Variants in FHOD3 observed in about 807,000 individuals in gnomAD.
FHOD3 encodes formin homology 2 domain containing 3, also known as FH1/FH2 domain-containing protein 3.
A neutral mutation model predicts 173.0 loss-of-function variants in FHOD3; 90 were observed. The ratio of observed to expected loss-of-function variants is 0.52; its 90% CI spans 0.44 to 0.62. The LOEUF is 0.62. Among genes scored for constraint, FHOD3 ranks in the 20% least tolerant of loss-of-function variants. The pLI, the probability that FHOD3 is intolerant of heterozygous loss-of-function variation, is 0.00. For synonymous variants in FHOD3, 828 were observed against 823.0 expected, an observed-to-expected ratio of 1.01 and a Z score of -0.10; for missense variants, 1,945 against 2,034.7, an observed-to-expected ratio of 0.96 and a Z score of 0.85.
chr18:36,718,468 C>T lies in FHOD3; in HGVS notation c.3170C>T (p.Pro1057Leu), dbSNP rs1462970284. 17 of 1,612,572 alleles carry T rather than the reference C, an allele frequency of 1.1e-5. No individual in the cohort carries two copies. Among genetic ancestry groups the T allele is most frequent in the Non-Finnish European group, 1.4e-5 (16 of 1,179,728 alleles). The change falls in exon 19 of 29, where the codon CCT becomes CTT. Residue 1057 changes from proline to leucine, a missense_variant. This residue lies in a region of FHOD3 where 1,099 missense variants were observed against 1,051.2 expected (regional missense o/e 1.05). Coordinates refer to ENST00000590592, the MANE Select transcript of FHOD3 (RefSeq NM_001281740.3). ...GTCCCTGGTAATTTATTGGTTCCTC[C>T]TCCTCCAGTGTTCAACGCTCCTCAG... is the stretch of plus-strand genomic sequence containing the variant. ...PPVPGNLLVP[P>L]PPVFNAPQGL...
chr18:36,427,629 C>A (rs1005569007), intron 3 of FHOD3, among the ~76,000 whole-genome samples: 2 of 152,224 alleles, frequency 1.3e-5, no homozygotes, highest in Non-Finnish European at 2.9e-5. Context: ...TAATGGGTTG[C>A]AACCAGTAGC....
At position 36,370,917 on chromosome 18, in the gene FHOD3, CA is replaced by C. The variant is rs745859470; in HGVS notation, c.273-1762del. ...AAGCTGTCTATAATTCAATTTGGTG[CA>C]CTTAAATCAAAACTTTCTTCTGGTC... is the stretch of plus-strand genomic sequence containing the variant. On this transcript the variant is annotated intron_variant, in intron 2 of 28. Coordinates refer to ENST00000590592, the MANE Select transcript of FHOD3 (RefSeq NM_001281740.3). Among the ~76,000 whole-genome samples, 179 of 152,294 alleles carry C rather than the reference CA, an allele frequency of 1.2e-3. 1 individual carries two copies. Among genetic ancestry groups the C allele is most frequent in the Non-Finnish European group, 2.2e-3 (152 of 68,024 alleles).
intron 5 of FHOD3, among the ~76,000 whole-genome samples, chr18:36,558,517 T>A (rs573069014): frequency 6.6e-6 from 1 of 152,318 alleles, no homozygotes; most frequent in East Asian, 1.9e-4. Flanking sequence ...TGTACAATGA[T>A]TTACAAAATA....
At position 36,780,125 on chromosome 18, in the gene FHOD3, G is replaced by A; in HGVS notation, c.*595G>A. Reference sequence around the variant, plus strand: ...TTCCACAGGCTCGCCTCTTCAGAATGGCAAAACTCTTCTCAGTGTCCTCAG... The same window carrying A: ...TTCCACAGGCTCGCCTCTTCAGAATAGCAAAACTCTTCTCAGTGTCCTCAG... On this transcript the variant is annotated 3_prime_UTR_variant, in exon 29 of 29. Coordinates refer to ENST00000590592, the MANE Select transcript of FHOD3 (RefSeq NM_001281740.3). The A allele has an allele frequency of 8.1e-7, 1 of 1,232,038 alleles. No individual in the cohort carries two copies. Among genetic ancestry groups the A allele is most frequent in the Non-Finnish European group, 1.0e-6 (1 of 988,006 alleles). The allele number at this position is 1,232,038 out of a possible 1,614,324, so 76.3% of individuals were successfully genotyped here.
chr18:36,586,094 C>T (rs1345095238), intron 6 of FHOD3, among the ~76,000 whole-genome samples: 1 of 152,208 alleles, frequency 6.6e-6, no homozygotes, highest in Non-Finnish European at 1.5e-5. Context: ...TGTTCATTTT[C>T]ATGTTTCCAG....
At chr18:36,714,675 A>G (rs1045149617) in intron 18 of FHOD3, among the ~76,000 whole-genome samples, 1 of 152,216 alleles carries the variant, frequency 6.6e-6, no homozygotes, top group Non-Finnish European at 1.5e-5. Context: ...GCAGCCTCCT[A>G]GTGGTCTCCC....
intron 14 of FHOD3, among the ~76,000 whole-genome samples, chr18:36,663,811 G>C (rs2036972074): frequency 6.6e-6 from 1 of 152,206 alleles, no homozygotes; most frequent in Admixed American, 6.5e-5. Context: ...CTACCACCCT[G>C]TGTGTAACTT....
intron 1 of FHOD3, among the ~76,000 whole-genome samples, chr18:36,300,971 G>C (rs1181838651): frequency 6.6e-6 from 1 of 152,092 alleles, no homozygotes; most frequent in Non-Finnish European, 1.5e-5. Context: ...AAACTCCTGA[G>C]CTCAAAGTGA....
intron 1 of FHOD3, among the ~76,000 whole-genome samples, chr18:36,350,489 T>C (rs1350895589): frequency 6.6e-6 from 1 of 152,192 alleles, no homozygotes; most frequent in Non-Finnish European, 1.5e-5. Context: ...CTGAAGTGCC[T>C]GGCAATGTCC....
chr18:36,571,495 G>A (rs932586078), intron 5 of FHOD3, among the ~76,000 whole-genome samples: 5 of 152,310 alleles, frequency 3.3e-5, no homozygotes, highest in African/African-American at 1.2e-4. Context: ...AGATTTTGTT[G>A]TTGTTGTTGA....
chr18:36,542,319 T>C (rs1018819766), intron 5 of FHOD3, among the ~76,000 whole-genome samples: 3 of 152,218 alleles, frequency 2.0e-5, no homozygotes, highest in African/African-American at 7.2e-5. Flanking sequence ...TAGATGCCTT[T>C]ATCTCTGTTA....
chr18:36,645,684 T>A (rs1396433049), intron 10 of FHOD3, among the ~76,000 whole-genome samples: 1 of 152,146 alleles, frequency 6.6e-6, no homozygotes, highest in African/African-American at 2.4e-5. Context: ...AGGTAAAAAA[T>A]TCTTAATAAA....
At chr18:36,750,874 G>A (rs980713175) in intron 24 of FHOD3, among the ~76,000 whole-genome samples, 2 of 152,110 alleles carry the variant, frequency 1.3e-5, no homozygotes, top group Admixed American at 6.6e-5. Context: ...CTATGCTGTC[G>A]CAATTACTGT....
At chr18:36,387,107 G>T (rs528457931) in intron 3 of FHOD3, among the ~76,000 whole-genome samples, 3 of 152,318 alleles carry the variant, frequency 2.0e-5, no homozygotes, top group African/African-American at 7.2e-5. Context: ...CCTGGACTGT[G>T]TCCTGGGTGA....
At chr18:36,553,914 A>C (rs1284644899) in intron 5 of FHOD3, among the ~76,000 whole-genome samples, 1 of 152,256 alleles carries the variant, frequency 6.6e-6, no homozygotes, top group Non-Finnish European at 1.5e-5. Context: ...CATCAGATAA[A>C]TGCAAATCAA....
intron 2 of FHOD3, among the ~76,000 whole-genome samples, chr18:36,367,542 T>G (rs1287711452): frequency 2.0e-5 from 3 of 151,764 alleles, no homozygotes; most frequent in African/African-American, 7.3e-5. Flanking sequence ...TCAAAAGGAG[T>G]GGCAGCTGCA....
intron 3 of FHOD3, among the ~76,000 whole-genome samples, chr18:36,400,740 A>G (rs1054020641): frequency 6.6e-6 from 1 of 152,214 alleles, no homozygotes; most frequent in Non-Finnish European, 1.5e-5. Flanking sequence ...CTGGGAGCAG[A>G]GGTCTAACCA....
intron 18 of FHOD3, chr18:36,711,439 C>T (rs1469487527): frequency 6.6e-6 from 1 of 152,210 alleles, no homozygotes; most frequent in Non-Finnish European, 1.5e-5. Flanking sequence ...ATGTGAGAAG[C>T]TTTATCATAA....
At chr18:36,603,558 C>T (rs972205347) in intron 8 of FHOD3, among the ~76,000 whole-genome samples, 1 of 151,896 alleles carries the variant, frequency 6.6e-6, no homozygotes, top group Non-Finnish European at 1.5e-5. Flanking sequence ...GGCTGGAGTG[C>T]AGTGGCACGA....
Sources: gnomAD v4.1 joint callset for allele counts (sites outside exome capture counted in the v4.1 genomes callset) on GRCh38, gnomAD v4.1.1 for gene constraint, gnomAD v4.1.1 regional missense constraint, MANE v1.5 for transcripts, NCBI Gene and HGNC (gene_info 2026-07-23, HGNC 2026-07-21) for gene names.